Variants in CYYR1 observed in about 807,000 individuals in gnomAD.
CYYR1 encodes cysteine and tyrosine-rich protein 1.
A neutral mutation model predicts 15.2 loss-of-function variants in CYYR1; 14 were observed. That is an observed-to-expected ratio of 0.92 (90% CI 0.61 to 1.44). The LOEUF (loss-of-function observed/expected upper bound fraction) is 1.44, where lower values mean the gene tolerates loss of function less well. CYYR1 is among the 40% of genes most tolerant of loss of function. The pLI, the probability that CYYR1 is intolerant of heterozygous loss-of-function variation, is 0.00. For missense variants in CYYR1, 228 were observed against 209.5 expected, an observed-to-expected ratio of 1.09 and a Z score of -0.54; for synonymous variants, 80 against 77.4, an observed-to-expected ratio of 1.03 and a Z score of -0.18.
chr21:26,564,372 G>A (rs1309330708), intron 2 of CYYR1, among the ~76,000 whole-genome samples: 1 of 152,150 alleles, frequency 6.6e-6, no homozygotes, highest in Non-Finnish European at 1.5e-5. Flanking sequence ...ATTTTGAACA[G>A]AAAGTTCAGT....
intron 3 of CYYR1, among the ~76,000 whole-genome samples, chr21:26,475,653 T>G (rs1376355720): frequency 6.6e-6 from 1 of 152,186 alleles, no homozygotes; most frequent in Non-Finnish European, 1.5e-5. Context: ...CTCAGTTTTC[T>G]CTACCCATTT....
chr21:26,479,062 G>A (rs1304044676), intron 3 of CYYR1, among the ~76,000 whole-genome samples: 5 of 152,104 alleles, frequency 3.3e-5, no homozygotes, highest in African/African-American at 1.2e-4. Context: ...AATTGGTTTG[G>A]ACTGGAGATA....
At chr21:26,564,890 T>TCGCAG in intron 2 of CYYR1, 1 of 969,672 alleles carries the variant, frequency 1.0e-6, no homozygotes, top group Non-Finnish European at 1.3e-6. Flanking sequence ...TTTTGTTACT[T>TCGCAG]TAAATACTGC....
intron 2 of CYYR1, among the ~76,000 whole-genome samples, chr21:26,521,228 T>G (rs2065800509): frequency 6.6e-6 from 1 of 152,092 alleles, no homozygotes; most frequent in Non-Finnish European, 1.5e-5. Context: ...TAAAAGAGAA[T>G]AAAGTAGGGA....
At chr21:26,520,044 G>C (rs1397624917) in intron 2 of CYYR1, among the ~76,000 whole-genome samples, 1 of 148,566 alleles carries the variant, frequency 6.7e-6, no homozygotes, top group African/African-American at 2.5e-5. Context: ...GGAATACTAT[G>C]AAGCCATAAA....
chr21:26,517,114 C>CAAAAAAAAAAAA (rs61352955), intron 2 of CYYR1, among the ~76,000 whole-genome samples: 1 of 46,706 alleles, frequency 2.1e-5, no homozygotes, highest in African/African-American at 8.8e-5. Context: ...GACTCCGTCT[C>CAAAAAAAAAAAA]AAAAAAAAAA....
intron 2 of CYYR1, among the ~76,000 whole-genome samples, chr21:26,557,816 A>T (rs1979903524): frequency 8.3e-6 from 1 of 120,736 alleles, no homozygotes; most frequent in Non-Finnish European, 2.0e-5. Flanking sequence ...AGTTTGGTTC[A>T]TACCCTACAG....
At chr21:26,569,259 A>C (rs1357197325) in intron 1 of CYYR1, 1 of 152,198 alleles carries the variant, frequency 6.6e-6, no homozygotes, top group Admixed American at 6.5e-5. Flanking sequence ...AGCCAGAAAA[A>C]AAAAAGAATA....
intron 2 of CYYR1, chr21:26,482,286 C>T: frequency 5.1e-6 from 5 of 974,472 alleles, no homozygotes; most frequent in Non-Finnish European, 3.7e-6. Context: ...TAAACAATTT[C>T]CATGAATTTT....
chr21:26,572,811 C>G, intron 1 of CYYR1, 57 bp downstream of exon 1: 1 of 1,599,856 alleles, frequency 6.3e-7, no homozygotes, highest in Non-Finnish European at 8.5e-7. Flanking sequence ...TAGCCCGGAC[C>G]GTGACCCAAG....
chr21:26,502,367 G>A (rs544208856), intron 2 of CYYR1, among the ~76,000 whole-genome samples: 2 of 151,628 alleles, frequency 1.3e-5, no homozygotes, highest in South Asian at 2.1e-4. Context: ...GCTTGATTAG[G>A]AGGACACTCT....
At chr21:26,502,480 T>C (rs1051910748) in intron 2 of CYYR1, among the ~76,000 whole-genome samples, 1 of 152,140 alleles carries the variant, frequency 6.6e-6, no homozygotes, top group African/African-American at 2.4e-5. Flanking sequence ...AAGTCACTTA[T>C]GAAGTTAAAT....
chr21:26,505,886 G>C (rs2065553070), intron 2 of CYYR1, among the ~76,000 whole-genome samples: 1 of 152,142 alleles, frequency 6.6e-6, no homozygotes, highest in African/African-American at 2.4e-5. Flanking sequence ...ATTTAGTCTT[G>C]GGAGATACAT....
At chr21:26,555,353 T>TA (rs947539627) in intron 2 of CYYR1, among the ~76,000 whole-genome samples, 41 of 152,172 alleles carry the variant, frequency 2.7e-4, no homozygotes, top group Admixed American at 9.2e-4. Flanking sequence ...GATGTTTGTT[T>TA]AAAAAAAATG....
intron 1 of CYYR1, among the ~76,000 whole-genome samples, chr21:26,572,066 C>A (rs1157284126): frequency 6.6e-6 from 1 of 152,156 alleles, no homozygotes; most frequent in East Asian, 1.9e-4. Flanking sequence ...ATTGGAGGCT[C>A]AGGGGTGAGC....
chr21:26,535,075 C>T (rs1395278888), intron 2 of CYYR1, among the ~76,000 whole-genome samples: 1 of 151,918 alleles, frequency 6.6e-6, no homozygotes, highest in East Asian at 1.9e-4. Context: ...CATCTCTTGG[C>T]AAGAATATAC....
intron 2 of CYYR1, chr21:26,551,189 C>G (rs8128533): frequency 0.052 from 7,953 of 152,670 alleles, 282 homozygotes; most frequent in Non-Finnish European, 0.067. Flanking sequence ...AACTACTGCT[C>G]AGGAAAAAAG....
chr21:26,554,448 C>T (rs1979621374), intron 2 of CYYR1, among the ~76,000 whole-genome samples: 1 of 152,200 alleles, frequency 6.6e-6, no homozygotes, highest in Admixed American at 6.5e-5. Flanking sequence ...ACATGGCAGA[C>T]TTGTGTATCT....
At chr21:26,524,608 C>T (rs17536311) in intron 2 of CYYR1, among the ~76,000 whole-genome samples, 7,115 of 126,748 alleles carry the variant, frequency 0.056, 201 homozygotes, top group African/African-American at 0.074. Flanking sequence ...GCTTGGTCAT[C>T]AACCTGGAAG....
Sources: allele counts gnomAD v4.1 joint callset (sites outside exome capture counted in the v4.1 genomes callset), GRCh38; gene constraint gnomAD v4.1.1; transcripts MANE v1.5; gene names NCBI Gene and HGNC (gene_info 2026-07-23, HGNC 2026-07-21).